Variants in ELFN1 observed in about 807,000 individuals in gnomAD.
ELFN1 encodes extracellular leucine rich repeat and fibronectin type III domain containing 1.
ELFN1 carries 6 observed loss-of-function variants against 7.6 expected under a neutral mutation model. The ratio of observed to expected loss-of-function variants is 0.79; its 90% CI spans 0.43 to 1.56. The LOEUF is 1.56. ELFN1 is among the 40% of genes most tolerant of loss of function. ELFN1 has a pLI of 0.01. For missense variants in ELFN1, 1,169 were observed against 1,232.2 expected, an observed-to-expected ratio of 0.95 and a Z score of 0.77; for synonymous variants, 657 against 588.1, an observed-to-expected ratio of 1.12 and a Z score of -1.70.
upstream of ELFN1, among the ~76,000 whole-genome samples, chr7:1,668,753 G>GCT (rs1205261272): frequency 2.0e-5 from 3 of 152,366 alleles, no homozygotes; most frequent in East Asian, 5.8e-4. Context: ...ACAAGGACCT[G>GCT]CTCTTGGCCT....
rs117609870 is a variant in ELFN1, at chr7:1,705,775, T to C, written c.-455-3316T>C. Among the ~76,000 whole-genome samples, 13 of 152,180 alleles carry C rather than the reference T, an allele frequency of 8.5e-5. No individual in the cohort carries two copies. The highest frequency in any genetic ancestry group is 3.1e-4 in the African/African-American group (13 of 41,448). ...TGTTGCCCTTCTGTAAAGTAGAGTC[T>C]TAGTGTCCCGGGATGGTCCTCGGGG... On this transcript the variant is annotated intron_variant, in intron 2 of 3. Transcript: ENST00000424383. This position sits in a 1 kb window ranked among gnomAD's most constrained non-coding sequence, Gnocchi z 4.3.
intron 2 of ELFN1, among the ~76,000 whole-genome samples, chr7:1,701,585 G>A (rs1779429325): frequency 2.0e-5 from 3 of 151,608 alleles, no homozygotes; most frequent in Admixed American, 2.0e-4. Context: ...TGAGGTGGGA[G>A]GACTGCTTGA....
chr7:1,691,628 C>G (rs1242513342), intron 2 of ELFN1, among the ~76,000 whole-genome samples: 1 of 152,246 alleles, frequency 6.6e-6, no homozygotes, highest in Non-Finnish European at 1.5e-5. Context: ...CAGCCCAGGC[C>G]TGACCCACTG....
intron 1 of ELFN1, among the ~76,000 whole-genome samples, chr7:1,675,655 TC>T (rs1215250309): frequency 3.9e-5 from 6 of 152,116 alleles, no homozygotes; most frequent in African/African-American, 1.4e-4. Flanking sequence ...GGGGGGGCCG[TC>T]GGGGGGCTCC....
At chr7:1,718,377 G>A (rs1318200976) in intron 3 of ELFN1, among the ~76,000 whole-genome samples, 1 of 152,190 alleles carries the variant, frequency 6.6e-6, no homozygotes. Context: ...GTACCTTGTG[G>A]GAAGAAGGGA....
At chr7:1,733,900 A>G (rs1780376027) in intron 3 of ELFN1, among the ~76,000 whole-genome samples, 1 of 152,122 alleles carries the variant, frequency 6.6e-6, no homozygotes, top group Non-Finnish European at 1.5e-5. Context: ...TCCTTCCAGC[A>G]TCTTAGCAGG....
chr7:1,685,125 A>G (rs960812923), intron 1 of ELFN1, among the ~76,000 whole-genome samples: 10 of 151,966 alleles, frequency 6.6e-5, no homozygotes, highest in African/African-American at 2.4e-4. Flanking sequence ...TTTTGTTTTC[A>G]TATTTTGAAT....
rs775341452 is a variant in ELFN1 at position 1,685,641 on chromosome 7, AT to A, written c.-548-2411del. 1.5e-4 allele frequency among the ~76,000 whole-genome samples: 22 copies of A among 151,338 alleles called. 1 individual carries two copies. Among genetic ancestry groups the A allele is most frequent in the Admixed American group, 1.1e-3 (16 of 15,180 alleles). On this transcript the variant is annotated intron_variant, in intron 1 of 3. Transcript: ENST00000424383. ...CATACTTTTTAATTCTAAATTTTCC[AT>A]TTTTTAAATAATTTCTGTCTCTTCA...
At chr7:1,686,311 GTTTTTTTTTTT>G (rs1202953401) in intron 1 of ELFN1, among the ~76,000 whole-genome samples, 1 of 113,964 alleles carries the variant, frequency 8.8e-6, no homozygotes, top group Non-Finnish European at 1.8e-5. Context: ...GTTTGTCCTT[GTTTTTTTTTTT>G]TTTTTTTTGA....
rs548712137 is a variant in ELFN1 at position 1,707,570 on chromosome 7, G to A, written c.-455-1521G>A. Among the ~76,000 whole-genome samples the A allele has an allele frequency of 3.9e-4, 60 of 152,316 alleles. No homozygotes were observed. In the East Asian group the frequency reaches 5.4e-3, roughly 14 times the overall value. On this transcript the variant is annotated intron_variant, in intron 2 of 3. Transcript: ENST00000424383. Reference sequence around the variant, plus strand: ...GCACGGGCTGGGTAGACGGCAGGGCGGCTCACAGAGCAAAGGCCTGGGGCA... The same window carrying A: ...GCACGGGCTGGGTAGACGGCAGGGCAGCTCACAGAGCAAAGGCCTGGGGCA...
intron 3 of ELFN1, among the ~76,000 whole-genome samples, chr7:1,725,455 G>A (rs1780163882): frequency 6.6e-6 from 1 of 152,034 alleles, no homozygotes. Flanking sequence ...ACAGACGGGA[G>A]GGAGGGAGGG....
chr7:1,718,819 G>T (rs1368995137), intron 3 of ELFN1, among the ~76,000 whole-genome samples: 1 of 152,176 alleles, frequency 6.6e-6, no homozygotes, highest in African/African-American at 2.4e-5. Flanking sequence ...CCATTGATTG[G>T]TTTGTGGACC....
chr7:1,719,137 C>T (rs970910128), intron 3 of ELFN1, among the ~76,000 whole-genome samples: 1 of 147,280 alleles, frequency 6.8e-6, no homozygotes, highest in African/African-American at 2.6e-5. Context: ...ACCAACAGGA[C>T]CCAAGCCACC....
chr7:1,676,664 CAA>C, intron 1 of ELFN1, among the ~76,000 whole-genome samples: 1 of 152,308 alleles, frequency 6.6e-6, no homozygotes, highest in East Asian at 1.9e-4. Context: ...CCCTGCTGTG[CAA>C]AGAGACAGGG....
chr7:1,704,127 C>T (rs1328167056), intron 2 of ELFN1, among the ~76,000 whole-genome samples: 3 of 152,216 alleles, frequency 2.0e-5, no homozygotes, highest in Non-Finnish European at 4.4e-5. Flanking sequence ...GCATTTGCCA[C>T]AGGTGCACAA....
intron 3 of ELFN1, among the ~76,000 whole-genome samples, chr7:1,725,486 G>A (rs1035408216): frequency 6.6e-5 from 10 of 152,084 alleles, no homozygotes; most frequent in South Asian, 6.2e-4. Flanking sequence ...GAGGCAGAGC[G>A]GGGGTGGGGT....
rs548912775 is a variant in ELFN1 at position 1,690,761 on chromosome 7, GTGGA to G, written c.-456+2623_-456+2626del. ...AATTGATGAATGGATAGGTGGGTGG[GTGGA>G]TGGATGGATGGGTGGATGAATGGGT... On this transcript the variant is annotated intron_variant, in intron 2 of 3. Coordinates refer to ENST00000424383, the MANE Select transcript of ELFN1 (RefSeq NM_001128636.4). Among the ~76,000 whole-genome samples the G allele has an allele frequency of 5.3e-5, 8 of 150,460 alleles. No individual in the cohort carries two copies. The South Asian group carries it at 1.7e-3, about 32-fold the overall frequency.
rs911683498 is a variant in ELFN1, at chr7:1,746,584, C to T, written c.1988C>T (p.Ala663Val). The T allele has an allele frequency of 1.9e-5, 25 of 1,345,844 alleles. No homozygotes were observed. In the East Asian group the frequency reaches 2.9e-4, roughly 16 times the overall value. 83.4% of individuals were successfully genotyped at this position (1,345,844 alleles called of 1,614,324 possible). The change falls in exon 4 of 4, where the codon GCG (alanine) becomes GTG (valine). Residue 663 changes from alanine (A) to valine (V), a missense_variant. By Grantham distance (64) the Ala-to-Val change is moderately conservative (BLOSUM62 0). Coordinates refer to ENST00000424383, the MANE Select transcript of ELFN1 (RefSeq NM_001128636.4). Reference sequence around the variant, plus strand: ...GAGGCCGTCGGGGTGCACAAGGCCGCGGCCGCCGAGGCCAAGTACATCGAG... The same window carrying T: ...GAGGCCGTCGGGGTGCACAAGGCCGTGGCCGCCGAGGCCAAGTACATCGAG... ...RAEAVGVHKA[A>V]AAEAKYIEKG...
chr7:1,721,525 G>A (rs780621051), intron 3 of ELFN1, among the ~76,000 whole-genome samples: 1 of 152,224 alleles, frequency 6.6e-6, no homozygotes, highest in South Asian at 2.1e-4. Flanking sequence ...ACGCCTTGTC[G>A]GCTGGAAGAA....
Sources: gnomAD v4.1 joint callset for allele counts (sites outside exome capture counted in the v4.1 genomes callset) on GRCh38, gnomAD v4.1.1 for gene constraint, Gnocchi (gnomAD v3.1) non-coding constraint, MANE v1.5 for transcripts, NCBI Gene and HGNC (gene_info 2026-07-23, HGNC 2026-07-21) for gene names.